The following CYP2C18 variants were observed in gnomAD, a reference collection of about 807,000 sequenced individuals.
CYP2C18 encodes cytochrome P450 2C18.
Under a neutral mutation model 41.3 loss-of-function variants are expected in CYP2C18, and 38 were observed. That is an observed-to-expected ratio of 0.92 (90% CI 0.71 to 1.21). CYP2C18 has a LOEUF of 1.21. CYP2C18 is among the 50% of genes most tolerant of loss of function. The pLI, the probability that CYP2C18 is intolerant of heterozygous loss-of-function variation, is 0.00. For synonymous variants in CYP2C18, 236 were observed against 210.0 expected, an observed-to-expected ratio of 1.12 and a Z score of -1.07; for missense variants, 635 against 591.4, an observed-to-expected ratio of 1.07 and a Z score of -0.77.
chr10:94,703,905 G>A (rs1847289287), intron 4 of CYP2C18, among the ~76,000 whole-genome samples: 1 of 152,218 alleles, frequency 6.6e-6, no homozygotes, highest in Admixed American at 6.5e-5. Flanking sequence ...GGTTGCGACA[G>A]GTTGCGAAGA....
chr10:94,695,334 T>G (rs1349723408), intron 4 of CYP2C18, among the ~76,000 whole-genome samples: 1 of 151,958 alleles, frequency 6.6e-6, no homozygotes, highest in East Asian at 1.9e-4. Flanking sequence ...GATGTTCCCC[T>G]CCCTGTGCCC....
At chr10:94,734,294 CTG>C (rs1167619876) in intron 8 of CYP2C18, among the ~76,000 whole-genome samples, 2 of 152,146 alleles carry the variant, frequency 1.3e-5, no homozygotes, top group Non-Finnish European at 2.9e-5. Flanking sequence ...TGTGGTGAGT[CTG>C]TGGACATAGA....
At chr10:94,716,935 A>G (rs910745655) in intron 5 of CYP2C18, among the ~76,000 whole-genome samples, 1 of 152,134 alleles carries the variant, frequency 6.6e-6, no homozygotes, top group African/African-American at 2.4e-5. Context: ...CCATTATGTA[A>G]TGGCCTTGTT....
chr10:94,720,306 T>A (rs1847625554), intron 5 of CYP2C18, 90 bp from the exon 6 acceptor site: 1 of 1,177,740 alleles, frequency 8.5e-7, no homozygotes. Flanking sequence ...AACTTCCTTA[T>A]CTTTAGAACA....
At chr10:94,697,399 G>T (rs1047574247) in intron 4 of CYP2C18, among the ~76,000 whole-genome samples, 2 of 152,176 alleles carry the variant, frequency 1.3e-5, no homozygotes, top group African/African-American at 4.8e-5. Flanking sequence ...AAGTGAAGGA[G>T]AAATAAAATC....
Position 94,716,108 on chromosome 10 carries a change from A to G in CYP2C18, c.820-4288A>G, listed in dbSNP as rs574362098. Among the ~76,000 whole-genome samples, 107 of 151,744 alleles carry G rather than the reference A, an allele frequency of 7.1e-4. 1 individual carries two copies. Among genetic ancestry groups the G allele is most frequent in the Non-Finnish European group, 1.1e-3 (75 of 67,936 alleles). On this transcript the variant is annotated intron_variant, in intron 5 of 8. Coordinates refer to ENST00000285979, the MANE Select transcript of CYP2C18 (RefSeq NM_000772.3). ...TATTAGTCTTGCTAGTGGTCTATCAATTTTGTTGATCTTTTCAAAAAACCA... is the reference window on the plus strand; with the variant it reads ...TATTAGTCTTGCTAGTGGTCTATCAGTTTTGTTGATCTTTTCAAAAAACCA...
intron 8 of CYP2C18, among the ~76,000 whole-genome samples, chr10:94,734,144 G>A (rs1384266066): frequency 6.6e-6 from 1 of 152,022 alleles, no homozygotes; most frequent in Non-Finnish European, 1.5e-5. Flanking sequence ...AGATCTAGGG[G>A]GTCAGAACCT....
intron 4 of CYP2C18, among the ~76,000 whole-genome samples, chr10:94,696,170 G>T (rs1055115106): frequency 1.3e-5 from 2 of 152,170 alleles, no homozygotes; most frequent in African/African-American, 4.8e-5. Flanking sequence ...ATCTGAGAAC[G>T]GACAGACTGC....
chr10:94,702,427 C>G (rs948640697), intron 4 of CYP2C18, among the ~76,000 whole-genome samples: 1 of 151,738 alleles, frequency 6.6e-6, no homozygotes, highest in Non-Finnish European at 1.5e-5. Context: ...AGGCTTTGTT[C>G]GCTCCTTTTC....
chr10:94,717,187 G>T (rs762299561), intron 5 of CYP2C18, among the ~76,000 whole-genome samples: 1 of 152,008 alleles, frequency 6.6e-6, no homozygotes, highest in Non-Finnish European at 1.5e-5. Context: ...TTATATTTAA[G>T]GTTAATATTG....
intron 5 of CYP2C18, among the ~76,000 whole-genome samples, chr10:94,719,763 T>C (rs1847618056): frequency 6.6e-6 from 1 of 151,980 alleles, no homozygotes; most frequent in Non-Finnish European, 1.5e-5. Context: ...TTAGTAGAGA[T>C]GAGATTTCAC....
intron 5 of CYP2C18, among the ~76,000 whole-genome samples, chr10:94,713,784 TAA>T (rs1847489256): frequency 1.3e-5 from 2 of 152,216 alleles, no homozygotes; most frequent in Admixed American, 1.3e-4. Flanking sequence ...TGAACTAGTT[TAA>T]AGTCCCACCA....
chr10:94,700,724 T>C (rs1847222376), intron 4 of CYP2C18, among the ~76,000 whole-genome samples: 1 of 152,188 alleles, frequency 6.6e-6, no homozygotes, highest in South Asian at 2.1e-4. Context: ...AATCTACTCA[T>C]CTGACAAAAG....
intron 8 of CYP2C18, 59 bp from the exon 9 acceptor site, chr10:94,735,204 T>C (rs1847898403): frequency 6.6e-7 from 1 of 1,514,116 alleles, no homozygotes; most frequent in Admixed American, 1.7e-5. Context: ...TGCATACTCT[T>C]TGTGACTGTT....
chr10:94,714,347 T>G (rs1053559485), intron 5 of CYP2C18, among the ~76,000 whole-genome samples: 1 of 152,226 alleles, frequency 6.6e-6, no homozygotes, highest in African/African-American at 2.4e-5. Flanking sequence ...GTTGAATTAA[T>G]TTTTGTATAA....
chr10:94,726,145 CCTT>C (rs1847736516), intron 7 of CYP2C18, among the ~76,000 whole-genome samples: 1 of 152,068 alleles, frequency 6.6e-6, no homozygotes, highest in Non-Finnish European at 1.5e-5. Context: ...TTATGCAACA[CCTT>C]CTACCTTCAT....
intron 5 of CYP2C18, among the ~76,000 whole-genome samples, chr10:94,707,896 G>C (rs766374882): frequency 6.6e-6 from 1 of 152,142 alleles, no homozygotes; most frequent in East Asian, 1.9e-4. Flanking sequence ...GATTCAGATG[G>C]TGAATTTGAA....
chr10:94,700,555 G>A (rs901101246), intron 4 of CYP2C18, among the ~76,000 whole-genome samples: 1 of 152,134 alleles, frequency 6.6e-6, no homozygotes, highest in Non-Finnish European at 1.5e-5. Flanking sequence ...ATTCAGGACA[G>A]AGGCATGGGC....
Position 94,724,479 on chromosome 10 carries a change from C to T in CYP2C18, c.1095C>T (p.Asn365=), listed in dbSNP as rs147932613. The T allele has an allele frequency of 1.9e-6, 3 of 1,613,512 alleles. No homozygotes were observed. The highest frequency in any genetic ancestry group is 2.2e-5 in the East Asian group (1 of 44,858). ...IQRYIDLLPT[N]LPHAVTCDVK... ...GATACATTGACCTCCTCCCCACCAA[C>T]CTGCCCCATGCAGTGACCTGTGATG... The change falls in exon 7 of 9, where the codon AAC becomes AAT. Residue 365 remains asparagine (N), a synonymous_variant. Transcript: ENST00000285979.
Sources: gnomAD v4.1 joint callset for allele counts (sites outside exome capture counted in the v4.1 genomes callset) on GRCh38, gnomAD v4.1.1 for gene constraint, MANE v1.5 for transcripts, NCBI Gene and HGNC (gene_info 2026-07-23, HGNC 2026-07-21) for gene names.